SORCS3: variants seen among roughly 807,000 people sequenced by gnomAD.
SORCS3 encodes sortilin related VPS10 domain containing receptor 3, also known as VPS10 domain-containing receptor SorCS3.
A neutral mutation model predicts 146.3 loss-of-function variants in SORCS3; 57 were observed. The ratio of observed to expected loss-of-function variants is 0.39; its 90% CI spans 0.31 to 0.49. SORCS3 has a LOEUF of 0.49. Among genes scored for constraint, SORCS3 ranks in the 20% least tolerant of loss-of-function variants. SORCS3 has a pLI of 0.92. For missense variants in SORCS3, 1,341 were observed against 1,575.5 expected, an observed-to-expected ratio of 0.85 and a Z score of 2.52; for synonymous variants, 653 against 618.5, an observed-to-expected ratio of 1.06 and a Z score of -0.83.
At chr10:104,812,826 A>C (rs1589508409) in intron 1 of SORCS3, among the ~76,000 whole-genome samples, 2 of 152,224 alleles carry the variant, frequency 1.3e-5, no homozygotes, top group African/African-American at 4.8e-5. Flanking sequence ...TAACCAGAGC[A>C]GTATTTGGAG....
At chr10:104,956,344 T>G (rs2019489807) in intron 3 of SORCS3, among the ~76,000 whole-genome samples, 1 of 152,208 alleles carries the variant, frequency 6.6e-6, no homozygotes, top group African/African-American at 2.4e-5. Context: ...ACAGTGTTTA[T>G]CAGCCTTTAC....
At chr10:104,952,845 A>G (rs1378202888) in intron 3 of SORCS3, among the ~76,000 whole-genome samples, 2 of 152,228 alleles carry the variant, frequency 1.3e-5, no homozygotes, top group Non-Finnish European at 2.9e-5. Flanking sequence ...CCCATTAATT[A>G]GGAAAGAGAT....
At chr10:104,841,279 G>A (rs1399014113) in intron 1 of SORCS3, among the ~76,000 whole-genome samples, 2 of 152,208 alleles carry the variant, frequency 1.3e-5, no homozygotes, top group African/African-American at 2.4e-5. Context: ...TTGTGCTGTG[G>A]TAATAAGACA....
intron 23 of SORCS3, among the ~76,000 whole-genome samples, chr10:105,255,053 A>T (rs1321467240): frequency 1.3e-5 from 2 of 149,632 alleles, no homozygotes; most frequent in Admixed American, 6.7e-5. Context: ...CCGGGCGAGG[A>T]GGCGTGCGCT....
At chr10:104,883,977 A>AG (rs896332497) in intron 2 of SORCS3, among the ~76,000 whole-genome samples, 43 of 147,788 alleles carry the variant, frequency 2.9e-4, no homozygotes, top group Admixed American at 1.6e-3. Context: ...CTGTGGAATG[A>AG]GGGGGGGGAA....
chr10:104,818,794 A>C (rs2017837933), intron 1 of SORCS3, among the ~76,000 whole-genome samples: 1 of 151,966 alleles, frequency 6.6e-6, no homozygotes, highest in Non-Finnish European at 1.5e-5. Flanking sequence ...AAATTTGCAG[A>C]GGTGTGAACT....
intron 1 of SORCS3, among the ~76,000 whole-genome samples, chr10:104,724,375 G>A (rs1345594768): frequency 1.3e-5 from 2 of 152,128 alleles, no homozygotes; most frequent in Non-Finnish European, 2.9e-5. Context: ...TCCTTTGTGG[G>A]TAACCCGACC....
At chr10:104,702,997 A>G (rs544404883) in intron 1 of SORCS3, among the ~76,000 whole-genome samples, 1 of 152,336 alleles carries the variant, frequency 6.6e-6, no homozygotes, top group South Asian at 2.1e-4. Context: ...CTACCCTTAT[A>G]GAGCTTACTT....
intron 1 of SORCS3, among the ~76,000 whole-genome samples, chr10:104,800,707 C>T (rs2017614819): frequency 6.6e-6 from 1 of 152,150 alleles, no homozygotes; most frequent in Non-Finnish European, 1.5e-5. Context: ...TAGTTTAGCC[C>T]TAGTCCTAGA....
chr10:104,642,016 G>GT, intron 1 of SORCS3, 62 bp downstream of exon 1: 5 of 1,085,818 alleles, frequency 4.6e-6, no homozygotes, highest in East Asian at 6.4e-5. Flanking sequence ...ATGGGGGGGT[G>GT]GGTGGGAGCG....
chr10:104,675,580 G>T (rs940317078), intron 1 of SORCS3, among the ~76,000 whole-genome samples: 3 of 152,088 alleles, frequency 2.0e-5, no homozygotes, highest in African/African-American at 7.2e-5. Flanking sequence ...TGTGACGAAG[G>T]GGGCCAATTT....
intron 3 of SORCS3, among the ~76,000 whole-genome samples, chr10:104,946,775 A>C (rs1038698731): frequency 6.6e-6 from 1 of 152,096 alleles, no homozygotes; most frequent in Non-Finnish European, 1.5e-5. Context: ...AACCCATCAC[A>C]TGTGGCCCAA....
intron 2 of SORCS3, among the ~76,000 whole-genome samples, chr10:104,911,812 A>G (rs1021167025): frequency 1.3e-5 from 2 of 152,068 alleles, no homozygotes; most frequent in African/African-American, 4.8e-5. Flanking sequence ...CAAGAGTCCA[A>G]TTTTTTAACA....
intron 1 of SORCS3, among the ~76,000 whole-genome samples, chr10:104,841,209 C>T (rs2018136118): frequency 6.6e-6 from 1 of 152,170 alleles, no homozygotes; most frequent in African/African-American, 2.4e-5. Flanking sequence ...ATGGGAGGGG[C>T]AAAGACCTCT....
chr10:105,195,397 C>T (rs1017483522), intron 14 of SORCS3, among the ~76,000 whole-genome samples: 6 of 152,134 alleles, frequency 3.9e-5, no homozygotes, highest in African/African-American at 9.7e-5. Context: ...AAGTGATGGA[C>T]ATGGTTTATG....
chr10:104,797,084 G>A (rs796147498), intron 1 of SORCS3, among the ~76,000 whole-genome samples: 23 of 152,324 alleles, frequency 1.5e-4, no homozygotes, highest in African/African-American at 5.5e-4. Context: ...GACATGGGAT[G>A]AGCCAGGATT....
chr10:105,186,621 A>G (rs12244365), intron 14 of SORCS3, among the ~76,000 whole-genome samples: 48,292 of 151,828 alleles, frequency 0.32, 7,765 homozygotes, highest in South Asian at 0.42. Context: ...GGTGGCTCAC[A>G]CCTGTAATCC....
chr10:104,783,132 G>C (rs1423714002), intron 1 of SORCS3, among the ~76,000 whole-genome samples: 1 of 152,106 alleles, frequency 6.6e-6, no homozygotes, highest in Admixed American at 6.5e-5. Context: ...CCTCTTATAA[G>C]ACAGCCTTCC....
chr10:104,690,111 C>G (rs1374261476), intron 1 of SORCS3, among the ~76,000 whole-genome samples: 4 of 152,166 alleles, frequency 2.6e-5, no homozygotes, highest in Non-Finnish European at 5.9e-5. Context: ...GTCTGGCTCA[C>G]TGAGGAATTG....
Sources: gnomAD v4.1 joint callset for allele counts (sites outside exome capture counted in the v4.1 genomes callset) on GRCh38, gnomAD v4.1.1 for gene constraint, MANE v1.5 for transcripts, NCBI Gene and HGNC (gene_info 2026-07-23, HGNC 2026-07-21) for gene names.